Variants in INPP4B observed in about 807,000 individuals in gnomAD.
INPP4B encodes the protein inositol polyphosphate-4-phosphatase type II B.
In INPP4B, 55 loss-of-function variants were observed where a neutral mutation model predicts 122.5. The observed-to-expected ratio is 0.45, with a 90% CI of 0.36 to 0.56. INPP4B has a LOEUF of 0.56. INPP4B is among the 20% of genes least tolerant of loss of function. INPP4B has a pLI of 0.00. For missense variants in INPP4B, 1,000 were observed against 1,097.7 expected, an observed-to-expected ratio of 0.91 and a Z score of 1.26; for synonymous variants, 403 against 388.7, an observed-to-expected ratio of 1.04 and a Z score of -0.43.
intron 7 of INPP4B, among the ~76,000 whole-genome samples, chr4:142,325,226 A>G (rs527825157): frequency 6.6e-6 from 1 of 152,256 alleles, no homozygotes; most frequent in Admixed American, 6.5e-5. Context: ...CTTAATATCC[A>G]GAAAAGTTAT....
intron 7 of INPP4B, among the ~76,000 whole-genome samples, chr4:142,377,669 T>G (rs766140698): frequency 4.6e-5 from 7 of 152,116 alleles, no homozygotes; most frequent in Non-Finnish European, 1.0e-4. Context: ...ATATGAGCAT[T>G]CATATGCAGT....
At chr4:142,279,025 T>C (rs923090196) in intron 9 of INPP4B, among the ~76,000 whole-genome samples, 3 of 151,796 alleles carry the variant, frequency 2.0e-5, no homozygotes, top group Admixed American at 2.0e-4. Flanking sequence ...CAATGAACAA[T>C]TAGAAATTGA....
At chr4:142,828,518 A>G (rs973644879) in intron 1 of INPP4B, among the ~76,000 whole-genome samples, 2 of 152,144 alleles carry the variant, frequency 1.3e-5, no homozygotes, top group African/African-American at 4.8e-5. Context: ...TTAGACAGAG[A>G]AGGCTAGTGG....
Position 142,245,584 on chromosome 4 carries a change from G to T in INPP4B, c.689-7573C>A, listed in dbSNP as rs190591537. Reference sequence around the variant, plus strand: ...TGTCTCGGCCAGGTTTTTGTATCAGGATGATGCTGGCCTCATAAAATGAGT... The same window carrying T: ...TGTCTCGGCCAGGTTTTTGTATCAGTATGATGCTGGCCTCATAAAATGAGT... On this transcript the variant is annotated intron_variant, in intron 11 of 25. Coordinates refer to ENST00000262992, the MANE Select transcript of INPP4B (RefSeq NM_001101669.3). 5.0e-4 allele frequency among the ~76,000 whole-genome samples: 76 copies of T among 152,064 alleles called. 1 individual carries two copies. Among genetic ancestry groups the T allele is most frequent in the Middle Eastern group, 6.8e-3 (2 of 294 alleles).
Position 142,025,247 on chromosome 4 carries a change from G to GCAGT in INPP4B, c.*3531_*3534dup, listed in dbSNP as rs1560855023. On this transcript the variant is annotated 3_prime_UTR_variant, in exon 26 of 26. Transcript: ENST00000262992. ...CTACGAACACCATGTTACTGAATCTGCAGTCAGGAAGAGACCCACAGTAGC... is the reference window on the plus strand; with the variant it reads ...CTACGAACACCATGTTACTGAATCTGCAGTCAGTCAGGAAGAGACCCACAGTAGC... 6.6e-6 allele frequency: 1 copy of GCAGT among 152,114 alleles called. No homozygotes were observed. The highest frequency in any genetic ancestry group is 2.4e-5 in the African/African-American group (1 of 41,412). The allele number at this position is 152,114 out of a possible 1,614,324, so 9.4% of individuals were successfully genotyped here. A position where few individuals can be genotyped will look rare whatever the true frequency, so the allele number is the denominator to read the frequency against.
At chr4:142,752,511 T>C (rs1334258153) in intron 1 of INPP4B, among the ~76,000 whole-genome samples, 1 of 152,130 alleles carries the variant, frequency 6.6e-6, no homozygotes, top group Non-Finnish European at 1.5e-5. Flanking sequence ...AACACCCTGC[T>C]GGTTGCTGGA....
At chr4:142,656,308 C>CTT (rs1388951279) in intron 2 of INPP4B, among the ~76,000 whole-genome samples, 1 of 152,118 alleles carries the variant, frequency 6.6e-6, no homozygotes, top group Non-Finnish European at 1.5e-5. Flanking sequence ...ATAAGAATCC[C>CTT]GTCTGTAGCA....
intron 23 of INPP4B, among the ~76,000 whole-genome samples, chr4:142,099,362 G>T (rs1036400564): frequency 2.0e-5 from 3 of 151,982 alleles, no homozygotes; most frequent in Non-Finnish European, 2.9e-5. Flanking sequence ...CAGCCATCTC[G>T]ATGTTTCCAA....
At position 142,263,675 on chromosome 4, in the gene INPP4B, T is replaced by C. The variant is rs1211691140; in HGVS notation, c.616-3111A>G. Among the ~76,000 whole-genome samples the C allele has an allele frequency of 8.6e-5, 10 of 116,248 alleles. 2 individuals are homozygous for C. Among genetic ancestry groups the C allele is most frequent in the African/African-American group, 3.4e-4 (10 of 29,202 alleles). 76.3% of individuals were successfully genotyped at this position (116,248 alleles called of 152,430 possible). On this transcript the variant is annotated intron_variant, in intron 10 of 25. Coordinates refer to ENST00000262992, the MANE Select transcript of INPP4B (RefSeq NM_001101669.3). ...ATATATATATATATATATATATATA[T>C]ATATAACATTGAACAATGACAAGTA... is the stretch of plus-strand genomic sequence containing the variant.
At chr4:142,104,217 AG>A (rs1291541117) in intron 23 of INPP4B, among the ~76,000 whole-genome samples, 1 of 152,168 alleles carries the variant, frequency 6.6e-6, no homozygotes, top group Non-Finnish European at 1.5e-5. Flanking sequence ...GGAAGACAGA[AG>A]GGGCTTTATC....
At chr4:142,057,755 C>A (rs1758446250) in intron 25 of INPP4B, among the ~76,000 whole-genome samples, 1 of 152,108 alleles carries the variant, frequency 6.6e-6, no homozygotes, top group East Asian at 1.9e-4. Context: ...TTCTGCATAT[C>A]CGTTACCTCT....
At chr4:142,604,556 T>A (rs1280096594) in intron 2 of INPP4B, among the ~76,000 whole-genome samples, 1 of 151,990 alleles carries the variant, frequency 6.6e-6, no homozygotes, top group East Asian at 1.9e-4. Context: ...TGTGCAAAAA[T>A]CAGTAATGTT....
At chr4:142,131,120 G>A (rs1179159964) in intron 18 of INPP4B, among the ~76,000 whole-genome samples, 1 of 152,138 alleles carries the variant, frequency 6.6e-6, no homozygotes, top group African/African-American at 2.4e-5. Flanking sequence ...CACATTCACT[G>A]GGCTTATTTT....
intron 9 of INPP4B, among the ~76,000 whole-genome samples, chr4:142,273,421 T>C (rs1333784253): frequency 6.6e-6 from 1 of 151,910 alleles, no homozygotes; most frequent in African/African-American, 2.4e-5. Flanking sequence ...GATTCAATGC[T>C]TACTGGGGAT....
intron 5 of INPP4B, among the ~76,000 whole-genome samples, chr4:142,408,829 A>G (rs558733606): frequency 2.8e-4 from 43 of 152,320 alleles, no homozygotes; most frequent in African/African-American, 9.9e-4. Flanking sequence ...TTTGCTTAGT[A>G]TTGAATTGTT....
chr4:142,142,261 T>C (rs1021778030), intron 18 of INPP4B, among the ~76,000 whole-genome samples: 3 of 152,108 alleles, frequency 2.0e-5, no homozygotes, highest in Admixed American at 6.6e-5. Context: ...TATAGTAACA[T>C]GTTATACAAT....
chr4:142,120,470 T>C (rs1252034556), intron 21 of INPP4B, among the ~76,000 whole-genome samples: 2 of 152,150 alleles, frequency 1.3e-5, no homozygotes, highest in African/African-American at 2.4e-5. Context: ...ACAGGCTGTC[T>C]CTCCATTTAG....
At chr4:142,589,281 T>C (rs182333454) in intron 2 of INPP4B, among the ~76,000 whole-genome samples, 1 of 152,094 alleles carries the variant, frequency 6.6e-6, no homozygotes, top group East Asian at 1.9e-4. Context: ...AGCTGTGAAA[T>C]AAAAATGTGA....
chr4:142,091,394 T>G lies in INPP4B; in HGVS notation c.2375-5138A>C, dbSNP rs1187604964. Among the ~76,000 whole-genome samples, 14 of 152,284 alleles carry G rather than the reference T, an allele frequency of 9.2e-5. No homozygotes were observed. In the East Asian group the frequency reaches 2.7e-3, roughly 29 times the overall value. Reference sequence around the variant, plus strand: ...GGGCAAGAATCCGGTCATGCGTCATTGACCAGTAATGGAAAACAATGAATA... The same window carrying G: ...GGGCAAGAATCCGGTCATGCGTCATGGACCAGTAATGGAAAACAATGAATA... On this transcript the variant is annotated intron_variant, in intron 23 of 25. Transcript: ENST00000262992.
Sources: allele counts gnomAD v4.1 joint callset (sites outside exome capture counted in the v4.1 genomes callset), GRCh38; gene constraint gnomAD v4.1.1; transcripts MANE v1.5; gene names NCBI Gene and HGNC (gene_info 2026-07-23, HGNC 2026-07-21).